ATG7: variants seen among roughly 807,000 people sequenced by gnomAD.
ATG7 encodes the protein autophagy related 7, also known as ubiquitin-like modifier-activating enzyme ATG7.
In ATG7, 70 loss-of-function variants were observed where a neutral mutation model predicts 82.4. The observed-to-expected ratio is 0.85, with a 90% CI of 0.70 to 1.04. The LOEUF is 1.04. Ranked by LOEUF, ATG7 falls within the 50% of genes least tolerant of loss-of-function variation. The pLI is 0.00. For missense variants in ATG7, 792 were observed against 864.3 expected, an observed-to-expected ratio of 0.92 and a Z score of 1.05; for synonymous variants, 287 against 313.0, an observed-to-expected ratio of 0.92 and a Z score of 0.88.
intron 20 of ATG7, among the ~76,000 whole-genome samples, chr3:11,477,979 G>A (rs1021399108): frequency 6.6e-6 from 1 of 152,068 alleles, no homozygotes; most frequent in Non-Finnish European, 1.5e-5. Flanking sequence ...AGTCAGTCTC[G>A]GGAAAGGATT....
intron 11 of ATG7, among the ~76,000 whole-genome samples, chr3:11,337,544 G>C (rs1306988139): frequency 2.0e-5 from 3 of 151,436 alleles, no homozygotes; most frequent in Non-Finnish European, 4.4e-5. Context: ...AGATTATATG[G>C]ATGCAGGTAT....
At chr3:11,416,791 T>C (rs938940044) in intron 19 of ATG7, among the ~76,000 whole-genome samples, 2 of 152,172 alleles carry the variant, frequency 1.3e-5, no homozygotes, top group Non-Finnish European at 2.9e-5. Flanking sequence ...TAAGATCAGA[T>C]GATTGATTTT....
chr3:11,570,333 C>A, the ATG7 span, among the ~76,000 whole-genome samples: 1 of 152,172 alleles, frequency 6.6e-6, no homozygotes, highest in Non-Finnish European at 1.5e-5. Context: ...CCTGCCCCAA[C>A]TGCAGAGACA....
intron 5 of ATG7, among the ~76,000 whole-genome samples, chr3:11,301,081 CA>C (rs1559352251): frequency 6.6e-6 from 1 of 152,082 alleles, no homozygotes; most frequent in East Asian, 1.9e-4. Context: ...GCGAAGGACA[CA>C]GGGGTTGTCA....
At chr3:11,444,748 A>G (rs2084353299) in intron 20 of ATG7, among the ~76,000 whole-genome samples, 1 of 152,254 alleles carries the variant, frequency 6.6e-6, no homozygotes, top group Non-Finnish European at 1.5e-5. Context: ...GAGCTTCTGC[A>G]CAGCAAAAGA....
chr3:11,279,717 GCAAA>G (rs147307122), intron 1 of ATG7, among the ~76,000 whole-genome samples: 4,895 of 151,902 alleles, frequency 0.032, 117 homozygotes, highest in Non-Finnish European at 0.051. Flanking sequence ...AAAATAAAAA[GCAAA>G]CAAACAAAAA....
intron 19 of ATG7, among the ~76,000 whole-genome samples, chr3:11,404,172 G>A (rs111287877): frequency 0.017 from 2,030 of 117,086 alleles, 50 homozygotes; most frequent in African/African-American, 0.063. Flanking sequence ...TTGCTCTGTC[G>A]CCCAGACCGG....
At chr3:11,570,497 G>T in the ATG7 span, among the ~76,000 whole-genome samples, 1 of 152,284 alleles carries the variant, frequency 6.6e-6, no homozygotes, top group African/African-American at 2.4e-5. Context: ...GGCTGACACT[G>T]CAGCCCCCAC....
intron 19 of ATG7, among the ~76,000 whole-genome samples, chr3:11,418,975 G>C (rs928912450): frequency 6.6e-6 from 1 of 150,976 alleles, no homozygotes; most frequent in Admixed American, 6.6e-5. Flanking sequence ...CCTCCCCCCC[G>C]ATCCAGTCAC....
chr3:11,288,565 A>G lies in ATG7; in HGVS notation c.-11+6127A>G, dbSNP rs150350967. ...TAGTTATTTCTGTATTGTTTTATAT[A>G]CATAATACAAACTTTAAGAGGCAAA... is the stretch of plus-strand genomic sequence containing the variant. On this transcript the variant is annotated intron_variant, in intron 3 of 20. Coordinates refer to ENST00000693202, the MANE Select transcript of ATG7 (RefSeq NM_001349232.2). The G allele has an allele frequency of 2.0e-5, 3 of 152,190 alleles. No homozygotes were observed. In the East Asian group the frequency reaches 5.8e-4, roughly 29 times the overall value. The allele number at this position is 152,190 out of a possible 1,614,324, so 9.4% of individuals were successfully genotyped here. A position where few individuals can be genotyped will look rare whatever the true frequency, so the allele number is the denominator to read the frequency against.
At chr3:11,495,700 T>C (rs1337868636) in intron 20 of ATG7, among the ~76,000 whole-genome samples, 1 of 152,198 alleles carries the variant, frequency 6.6e-6, no homozygotes, top group Non-Finnish European at 1.5e-5. Context: ...AAGTCAGTCA[T>C]GACTGATGGC....
At position 11,539,740 on chromosome 3, in the gene ATG7, C is replaced by T. The variant is rs75167768; in HGVS notation, c.2080-15071C>T. On this transcript the variant is annotated intron_variant, in intron 20 of 20. Transcript: ENST00000693202. ...ATTTAAAAAATAAAATCTATTGATG[C>T]GCATACAATCAAATATATGTAAAAG... is the stretch of plus-strand genomic sequence containing the variant. 6.5e-3 allele frequency among the ~76,000 whole-genome samples: 993 copies of T among 152,332 alleles called. 17 individuals carry two copies. In the East Asian group the frequency reaches 0.076, roughly 12 times the overall value.
intron 20 of ATG7, among the ~76,000 whole-genome samples, chr3:11,537,096 C>T (rs890565176): frequency 2.6e-5 from 4 of 152,144 alleles, no homozygotes; most frequent in Admixed American, 1.3e-4. Context: ...CACCCAGCCA[C>T]GTGCTCTGCT....
At chr3:11,441,255 A>G (rs66974661) in intron 20 of ATG7, among the ~76,000 whole-genome samples, 77,733 of 151,892 alleles carry the variant, frequency 0.51, 20,778 homozygotes, top group East Asian at 0.68. Context: ...TTATTTATTA[A>G]TTTTTTGAGA....
intron 19 of ATG7, among the ~76,000 whole-genome samples, chr3:11,408,733 C>G (rs899089827): frequency 6.6e-6 from 1 of 152,136 alleles, no homozygotes; most frequent in African/African-American, 2.4e-5. Context: ...GACCCATTAA[C>G]TATCATGAGA....
intron 12 of ATG7, among the ~76,000 whole-genome samples, 166 bp downstream of exon 12, chr3:11,340,901 T>C (rs1953461878): frequency 6.6e-6 from 1 of 152,132 alleles, no homozygotes. Flanking sequence ...AGAATTAATA[T>C]TAACAATGCA....
chr3:11,573,062 A>G, the ATG7 span, among the ~76,000 whole-genome samples: 1 of 151,766 alleles, frequency 6.6e-6, no homozygotes, highest in Non-Finnish European at 1.5e-5. Flanking sequence ...GCTACTCCAG[A>G]GGCTGAGGGA....
intron 20 of ATG7, among the ~76,000 whole-genome samples, chr3:11,472,483 T>A (rs76722452): frequency 6.6e-6 from 1 of 152,090 alleles, no homozygotes; most frequent in Non-Finnish European, 1.5e-5. Context: ...TATATTCTTA[T>A]CTCTAGGGTT....
rs2071286406 is a variant in ATG7, at chr3:11,546,276, A to G, written c.2080-8535A>G. ...AACCTCTTCCTTCCGGGTTCAAGCAATTTTCCTGCCTCAGCCTCCCGAGTA... is the reference window on the plus strand; with the variant it reads ...AACCTCTTCCTTCCGGGTTCAAGCAGTTTTCCTGCCTCAGCCTCCCGAGTA... On this transcript the variant is annotated intron_variant, in intron 20 of 20. Coordinates refer to ENST00000693202, the MANE Select transcript of ATG7 (RefSeq NM_001349232.2). Among the ~76,000 whole-genome samples the G allele has an allele frequency of 2.1e-5, 3 of 143,974 alleles. No homozygotes were observed. In the South Asian group the frequency reaches 6.4e-4, roughly 31 times the overall value. The allele number at this position is 143,974 out of a possible 152,430, so 94.5% of individuals were successfully genotyped here. A position where few individuals can be genotyped will look rare whatever the true frequency, so the allele number is the denominator to read the frequency against.
Sources: gnomAD v4.1 joint callset for allele counts (sites outside exome capture counted in the v4.1 genomes callset) on GRCh38, gnomAD v4.1.1 for gene constraint, MANE v1.5 for transcripts, NCBI Gene and HGNC (gene_info 2026-07-23, HGNC 2026-07-21) for gene names.